Variants in LGR6 observed in about 807,000 individuals in gnomAD.
LGR6 encodes leucine rich repeat containing G protein-coupled receptor 6.
Under a neutral mutation model 69.4 loss-of-function variants are expected in LGR6, and 45 were observed. That is an observed-to-expected ratio of 0.65 (90% confidence interval 0.51 to 0.83). The LOEUF (loss-of-function observed/expected upper bound fraction) is 0.83. Ranked by LOEUF, LGR6 falls within the 40% of genes least tolerant of loss-of-function variation. LGR6 has a pLI of 0.00. For missense variants in LGR6, 1,108 were observed against 1,246.7 expected (o/e 0.89, Z 1.68); for synonymous variants, 538 against 555.0 (o/e 0.97, Z 0.43).
chr1:202,211,818 C>T (rs939232973), intron 1 of LGR6, among the ~76,000 whole-genome samples: 1 of 152,116 alleles, frequency 6.6e-6, no homozygotes, highest in Admixed American at 6.6e-5. Flanking sequence ...AGCCCTCCAC[C>T]CCCATGCCCT....
intron 4 of LGR6, among the ~76,000 whole-genome samples, chr1:202,267,335 T>C (rs762744606): frequency 2.0e-5 from 3 of 152,170 alleles, no homozygotes; most frequent in Admixed American, 6.5e-5. Context: ...TCCAGTCATA[T>C]GGATTCTGGG....
intron 1 of LGR6, among the ~76,000 whole-genome samples, chr1:202,212,086 T>C (rs1447898991): frequency 2.6e-5 from 4 of 152,152 alleles, no homozygotes. Flanking sequence ...CAACCAGACA[T>C]GTTCTAGTTG....
chr1:202,194,704 G>C (rs7552554), intron 1 of LGR6: 93,022 of 225,744 alleles, frequency 0.41, 21,327 homozygotes, highest in South Asian at 0.64. Flanking sequence ...CTTCGTGGGG[G>C]CGGGGGGGGC....
At chr1:202,195,496 G>C (rs1658606951) in intron 1 of LGR6, among the ~76,000 whole-genome samples, 1 of 152,154 alleles carries the variant, frequency 6.6e-6, no homozygotes, top group African/African-American at 2.4e-5. Context: ...GAAAAATAAT[G>C]TCCATCTAGA....
chr1:202,226,152 G>C (rs934378180), intron 2 of LGR6, among the ~76,000 whole-genome samples: 2 of 152,088 alleles, frequency 1.3e-5, no homozygotes, highest in African/African-American at 4.8e-5. Context: ...ATATGCTAGG[G>C]GTGCTCAAAA....
chr1:202,244,027 G>C (rs1662435712), intron 4 of LGR6, among the ~76,000 whole-genome samples: 1 of 152,150 alleles, frequency 6.6e-6, no homozygotes, highest in Admixed American at 6.5e-5. Flanking sequence ...TGCAATCTCA[G>C]CTCATTGCAA....
In LGR6 at chr1:202,299,121, G is replaced by A. The variant is rs59055594; in HGVS notation, c.785+1545G>A. Among the ~76,000 whole-genome samples, 189 of 152,080 alleles carry A rather than the reference G, an allele frequency of 1.2e-3. 2 individuals carry two copies. The East Asian group carries it at 0.032, about 25-fold the overall frequency. ...CTAAAAACACAAAAATCAGCCCAGC[G>A]TAGTAGTGCACACCTGTAGTCCTAG... On this transcript the variant is annotated intron_variant, in intron 7 of 17. Coordinates refer to ENST00000367278, the MANE Select transcript of LGR6 (RefSeq NM_001017403.2).
At position 202,193,899 on chromosome 1, in the gene LGR6, C is replaced by T. The variant is rs1658528551; in HGVS notation, c.-91C>T. On this transcript the variant is annotated 5_prime_UTR_variant, in exon 1 of 18. Coordinates refer to ENST00000367278, the MANE Select transcript of LGR6 (RefSeq NM_001017403.2). ...CCTGGGGCGGTCCCCACCGACGGTGCAGCCCGCCGGGACCGGGAGGAAGCA... is the reference window on the plus strand; with the variant it reads ...CCTGGGGCGGTCCCCACCGACGGTGTAGCCCGCCGGGACCGGGAGGAAGCA... 3.6e-6 allele frequency: 3 copies of T among 842,240 alleles called. No individual in the cohort carries two copies. The highest frequency in any genetic ancestry group is 4.7e-6 in the Non-Finnish European group (3 of 634,948). 52.2% of individuals were successfully genotyped at this position (842,240 alleles called of 1,614,324 possible). A position where few individuals can be genotyped will look rare whatever the true frequency, so the allele number is the denominator to read the frequency against.
intron 1 of LGR6, among the ~76,000 whole-genome samples, chr1:202,207,217 G>A (rs529191726): frequency 8.7e-4 from 133 of 152,184 alleles, no homozygotes; most frequent in African/African-American, 2.8e-3. Context: ...GTGCCCGGCC[G>A]GTCCTGCAAA....
chr1:202,205,413 A>C (rs1417977308), intron 1 of LGR6, among the ~76,000 whole-genome samples: 13 of 1,028 alleles, frequency 0.013, no homozygotes, highest in African/African-American at 0.015. Flanking sequence ...CACACCTCCA[A>C]ACACACACAC....
At chr1:202,210,263 C>T (rs1468580873) in intron 1 of LGR6, among the ~76,000 whole-genome samples, 2 of 152,100 alleles carry the variant, frequency 1.3e-5, no homozygotes. Context: ...CTGGGACCCC[C>T]AAGAAAGCAG....
At chr1:202,224,631 A>G (rs1660384099) in intron 1 of LGR6, among the ~76,000 whole-genome samples, 1 of 152,150 alleles carries the variant, frequency 6.6e-6, no homozygotes, top group Admixed American at 6.5e-5. Flanking sequence ...TCTCATAAGG[A>G]GCATGCAACC....
intron 3 of LGR6, among the ~76,000 whole-genome samples, chr1:202,232,900 G>A (rs914804799): frequency 9.9e-5 from 15 of 152,094 alleles, no homozygotes; most frequent in African/African-American, 3.6e-4. Context: ...TCCTCATCTT[G>A]GAAAACAAAG....
At chr1:202,284,541 C>T (rs143827090) in intron 6 of LGR6, among the ~76,000 whole-genome samples, 41 of 152,284 alleles carry the variant, frequency 2.7e-4, no homozygotes, top group African/African-American at 9.1e-4. Flanking sequence ...TCAGATCAAT[C>T]ATAGGACTTC....
intron 1 of LGR6, among the ~76,000 whole-genome samples, chr1:202,207,607 T>C (rs1659301982): frequency 6.6e-6 from 1 of 152,160 alleles, no homozygotes; most frequent in Non-Finnish European, 1.5e-5. Context: ...TCCCAGTTTC[T>C]TATAAATCTA....
intron 7 of LGR6, among the ~76,000 whole-genome samples, chr1:202,299,259 CAAA>C (rs940683421): frequency 1.0e-4 from 7 of 67,132 alleles, no homozygotes; most frequent in Admixed American, 1.8e-4. Context: ...GACTCTGTCT[CAAA>C]AAAAAAAAAA....
At chr1:202,254,051 C>T (rs984266116) in intron 4 of LGR6, among the ~76,000 whole-genome samples, 4 of 149,122 alleles carry the variant, frequency 2.7e-5, no homozygotes, top group South Asian at 2.2e-4. Flanking sequence ...GTGATCCGCC[C>T]GCCTCGGCCT....
chr1:202,205,958 CACAG>C (rs1423433097), intron 1 of LGR6, among the ~76,000 whole-genome samples: 1 of 130,868 alleles, frequency 7.6e-6, no homozygotes, highest in Non-Finnish European at 1.7e-5. Context: ...CACACACACA[CACAG>C]ACACACAACA....
At chr1:202,306,844 A>C in intron 12 of LGR6, 24 bp from the exon 13 acceptor site, 1 of 1,612,706 alleles carries the variant, frequency 6.2e-7, no homozygotes, top group African/African-American at 1.3e-5. Context: ...CTGCCGGCTC[A>C]TCCAGCCTCT....
Sources: allele counts gnomAD v4.1 joint callset (sites outside exome capture counted in the v4.1 genomes callset), GRCh38; gene constraint gnomAD v4.1.1; transcripts MANE v1.5; gene names NCBI Gene and HGNC (gene_info 2026-07-23, HGNC 2026-07-21).